GNPAT: variants seen among roughly 807,000 people sequenced by gnomAD.
GNPAT encodes the protein dihydroxyacetone phosphate acyltransferase.
GNPAT carries 30 observed loss-of-function variants against 78.4 expected under a neutral mutation model. That is an observed-to-expected ratio of 0.38 (90% CI 0.29 to 0.52). The LOEUF (loss-of-function observed/expected upper bound fraction) is 0.52. Among genes scored for constraint, GNPAT ranks in the 20% least tolerant of loss-of-function variants. The pLI, the probability that GNPAT is intolerant of heterozygous loss-of-function variation, is 0.84. For missense variants in GNPAT, 714 were observed against 812.2 expected (o/e 0.88, Z 1.47); for synonymous variants, 271 against 281.1 (o/e 0.96, Z 0.36).
In GNPAT at chr1:231,267,714, G is replaced by C. The variant is rs759125092; in HGVS notation, c.1090G>C (p.Ala364Pro). Residue 364 changes from alanine to proline, a missense_variant, in exon 9 of 16, where the codon GCC becomes CCC. Coordinates refer to ENST00000366647, the MANE Select transcript of GNPAT (RefSeq NM_014236.4). Reference protein sequence around the residue: ...IPQKQSEDMHAFVTEVAYKME... With the variant: ...IPQKQSEDMHPFVTEVAYKME... ...TCAGAAACAGTCTGAGGACATGCAT[G>C]CCTTTGTCACTGAAGTTGCCTACAA... is the stretch of plus-strand genomic sequence containing the variant. 13 of 1,608,290 alleles carry C rather than the reference G, an allele frequency of 8.1e-6. No homozygotes were observed. The highest frequency in any genetic ancestry group is 1.3e-5 in the African/African-American group (1 of 74,766).
intron 15 of GNPAT, among the ~76,000 whole-genome samples, chr1:231,276,533 G>A (rs758453565): frequency 6.6e-6 from 1 of 152,222 alleles, no homozygotes; most frequent in African/African-American, 2.4e-5. Flanking sequence ...TGCTCTCACT[G>A]TCTGTCTTGC....
chr1:231,275,164 T>C, intron 12 of GNPAT, 57 bp from the exon 13 acceptor site: 1 of 981,088 alleles, frequency 1.0e-6, no homozygotes, highest in Non-Finnish European at 1.6e-6. Context: ...ACTATTCTGT[T>C]GAACTTGGCT....
At chr1:231,249,966 G>T (rs772375081) in intron 1 of GNPAT, among the ~76,000 whole-genome samples, 94 of 152,068 alleles carry the variant, frequency 6.2e-4, no homozygotes, top group Non-Finnish European at 1.1e-3. Context: ...TTTGTCACAG[G>T]CCAGGCACAA....
intron 9 of GNPAT, among the ~76,000 whole-genome samples, chr1:231,270,296 TAA>T (rs901710722): frequency 2.0e-5 from 3 of 152,194 alleles, no homozygotes; most frequent in Non-Finnish European, 2.9e-5. Context: ...AGTATGGGTC[TAA>T]GCAAGGGGTG....
Position 231,241,453 on chromosome 1 carries a change from C to T in GNPAT, c.75C>T (p.Tyr25=), listed in dbSNP as rs984813218. 1 of 1,609,404 alleles carries T rather than the reference C, an allele frequency of 6.2e-7. No homozygotes were observed. The highest frequency in any genetic ancestry group is 2.2e-5 in the East Asian group (1 of 44,860). The part of the protein sequence containing the change: ...PTSPSAVVLL[Y]SKELKKWDEF... ...GTCCCAGCGCTGTCGTGCTCCTCTACTCGGTAGGCGCCCAGGGAAAAGAGG... is the reference window on the plus strand; with the variant it reads ...GTCCCAGCGCTGTCGTGCTCCTCTATTCGGTAGGCGCCCAGGGAAAAGAGG... Residue 25 remains tyrosine (Y), a synonymous_variant, in exon 1 of 16, where the codon TAC becomes TAT. Transcript: ENST00000366647.
intron 15 of GNPAT, among the ~76,000 whole-genome samples, chr1:231,276,451 G>A (rs1458427036): frequency 6.6e-6 from 1 of 152,192 alleles, no homozygotes; most frequent in African/African-American, 2.4e-5. Context: ...AACATGACTG[G>A]TCTCAGCCAG....
rs1685194348 is a variant in GNPAT at position 231,260,543 on chromosome 1, C to G, written c.298C>G (p.Arg100Gly). The G allele has an allele frequency of 6.2e-7, 1 of 1,610,520 alleles. No homozygotes were observed. The highest frequency in any genetic ancestry group is 2.2e-5 in the East Asian group (1 of 44,856). Reference protein sequence around the residue: ...KESLQSVDVLREEVSEILDEM... With the variant: ...KESLQSVDVLGEEVSEILDEM... ...ATCCCTTCAATCTGTGGATGTCCTC[C>G]GAGAGGAAGTGAGTGAGATCTTAGA... The change falls in exon 3 of 16, where the codon CGA becomes GGA. Residue 100 changes from arginine to glycine, a missense_variant. Physicochemically the swap from Arg to Gly is moderately radical, Grantham distance 125. Transcript: ENST00000366647.
At chr1:231,262,978 A>T (rs1571947189) in intron 4 of GNPAT, 126 bp downstream of exon 4, 1 of 741,096 alleles carries the variant, frequency 1.3e-6, no homozygotes, top group East Asian at 2.6e-5. Flanking sequence ...CAGTCCTAGC[A>T]CTGAATAACT....
At chr1:231,272,199 TA>T in intron 10 of GNPAT, 112 bp from the exon 11 acceptor site, 1 of 696,650 alleles carries the variant, frequency 1.4e-6, no homozygotes, top group Non-Finnish European at 2.7e-6. Context: ...TTGTCCCTGT[TA>T]CATGAATAAA....
At chr1:231,273,531 G>A (rs990756285) in intron 11 of GNPAT, among the ~76,000 whole-genome samples, 8 of 152,136 alleles carry the variant, frequency 5.3e-5, no homozygotes, top group South Asian at 2.1e-4. Context: ...GATTACAGGC[G>A]TGAGCCACCG....
intron 3 of GNPAT, among the ~76,000 whole-genome samples, chr1:231,261,508 T>C (rs908514539): frequency 6.6e-6 from 1 of 152,172 alleles, no homozygotes; most frequent in Non-Finnish European, 1.5e-5. Flanking sequence ...TCGGTTTCAT[T>C]ACTGGAGATG....
rs370992541 is a variant in GNPAT, at chr1:231,241,373, C to T, written c.-6C>T. ...CCCAGACCCCGCCCGGGAAGGCAGC[C>T]GCACCATGGAGTCTTCCAGTTCATC... On this transcript the variant is annotated 5_prime_UTR_variant, in exon 1 of 16. Transcript: ENST00000366647. 67 of 1,611,474 alleles carry T rather than the reference C, an allele frequency of 4.2e-5. No individual in the cohort carries two copies. Among genetic ancestry groups the T allele is most frequent in the Non-Finnish European group, 5.5e-5 (65 of 1,177,698 alleles).
intron 4 of GNPAT, among the ~76,000 whole-genome samples, chr1:231,264,455 A>G (rs953399341): frequency 6.6e-6 from 1 of 152,224 alleles, no homozygotes; most frequent in African/African-American, 2.4e-5. Context: ...GCTAAGGCAT[A>G]TAAGTTGTTT....
At chr1:231,243,512 C>G (rs1684670052) in intron 1 of GNPAT, among the ~76,000 whole-genome samples, 1 of 152,060 alleles carries the variant, frequency 6.6e-6, no homozygotes, top group African/African-American at 2.4e-5. Context: ...TTAGTAAAGA[C>G]AAGGTCTCAC....
At chr1:231,256,406 C>A (rs570312496) in intron 2 of GNPAT, among the ~76,000 whole-genome samples, 1 of 150,236 alleles carries the variant, frequency 6.7e-6, no homozygotes, top group Non-Finnish European at 1.5e-5. Context: ...CAAACCACCA[C>A]AAATCTGGAT....
intron 2 of GNPAT, among the ~76,000 whole-genome samples, chr1:231,255,445 A>C (rs1685025050): frequency 6.6e-6 from 1 of 152,098 alleles, no homozygotes; most frequent in African/African-American, 2.4e-5. Context: ...TATTCTTTAG[A>C]GACAGGATCT....
intron 9 of GNPAT, among the ~76,000 whole-genome samples, chr1:231,268,360 T>G (rs1022364012): frequency 2.0e-5 from 3 of 152,164 alleles, no homozygotes; most frequent in African/African-American, 7.2e-5. Flanking sequence ...TAGGACACAG[T>G]GAACACAGCA....
chr1:231,267,795 G>A lies in GNPAT; in HGVS notation c.1171G>A (p.Ala391Thr), dbSNP rs1336749531. ...MVLSPWTLIV[A>T]VLLQNRPSMD... ...TTTGAGCCCCTGGACCCTAATAGTT[G>A]CTGTTCTGCTTCAGAACCGGCCATC... is the stretch of plus-strand genomic sequence containing the variant. Residue 391 changes from alanine to threonine, a missense_variant, in exon 9 of 16, where the codon GCT becomes ACT. Physicochemically the swap from Ala to Thr is moderately conservative, Grantham distance 58. Coordinates refer to ENST00000366647, the MANE Select transcript of GNPAT (RefSeq NM_014236.4). 6.2e-7 allele frequency: 1 copy of A among 1,612,996 alleles called. No homozygotes were observed. The highest frequency in any genetic ancestry group is 8.5e-7 in the Non-Finnish European group (1 of 1,179,112).
At chr1:231,257,454 C>A (rs1469262393) in intron 2 of GNPAT, among the ~76,000 whole-genome samples, 1 of 152,166 alleles carries the variant, frequency 6.6e-6, no homozygotes, top group Admixed American at 6.5e-5. Context: ...TTCATCTCCA[C>A]GTTGTCTTTT....
Sources: gnomAD v4.1 joint callset for allele counts (sites outside exome capture counted in the v4.1 genomes callset) on GRCh38, gnomAD v4.1.1 for gene constraint, MANE v1.5 for transcripts, NCBI Gene and HGNC (gene_info 2026-07-23, HGNC 2026-07-21) for gene names.